The following OPCML variants were observed in gnomAD, a reference collection of about 807,000 sequenced individuals.
OPCML encodes the protein opioid-binding protein/cell adhesion molecule.
A neutral mutation model predicts 37.8 loss-of-function variants in OPCML; 13 were observed. The observed-to-expected ratio is 0.34, with a 90% CI of 0.22 to 0.55. The LOEUF is 0.55. Among genes scored for constraint, OPCML ranks in the 20% least tolerant of loss-of-function variants. The probability of loss-of-function intolerance (pLI) is 0.91; values close to 1 mark genes in which losing one functional copy is unlikely to be tolerated. For missense variants in OPCML, 341 were observed against 435.6 expected (o/e 0.78, Z 1.93); for synonymous variants, 176 against 168.8 (o/e 1.04, Z -0.33).
chr11:132,587,315 T>A (rs1242750844), intron 3 of OPCML, among the ~76,000 whole-genome samples: 1 of 152,226 alleles, frequency 6.6e-6, no homozygotes, highest in Non-Finnish European at 1.5e-5. Flanking sequence ...ACAAACTATC[T>A]GCTTACCAGA....
At chr11:133,063,861 C>T (rs1177275153) in intron 1 of OPCML, among the ~76,000 whole-genome samples, 1 of 152,108 alleles carries the variant, frequency 6.6e-6, no homozygotes, top group African/African-American at 2.4e-5. Flanking sequence ...TGAGCCCAGC[C>T]CCGGTTGGTG....
At chr11:132,545,107 G>A (rs1342499383) in intron 3 of OPCML, among the ~76,000 whole-genome samples, 1 of 152,042 alleles carries the variant, frequency 6.6e-6, no homozygotes, top group South Asian at 2.1e-4. Flanking sequence ...ATATGATTGG[G>A]GGAGGGTAAC....
rs114924747 is a variant in OPCML, at chr11:132,996,210, G to A, written c.62-53200C>T. On this transcript the variant is annotated intron_variant, in intron 1 of 7. Coordinates refer to ENST00000524381, the MANE Select transcript of OPCML (RefSeq NM_001012393.5). ...ATGTTGTGCCCCCTGAAAAAGAAAA[G>A]GCACAGAGAAAATACCTTGTCTGAG... 9.3e-3 allele frequency among the ~76,000 whole-genome samples: 1,423 copies of A among 152,194 alleles called. 26 individuals are homozygous for A. The highest frequency in any genetic ancestry group is 0.033 in the African/African-American group (1,367 of 41,530).
chr11:133,319,401 T>G (rs1943278188), intron 1 of OPCML, among the ~76,000 whole-genome samples: 1 of 152,156 alleles, frequency 6.6e-6, no homozygotes, highest in Non-Finnish European at 1.5e-5. Flanking sequence ...TATGAGACAG[T>G]AAGAGTCTTC....
intron 1 of OPCML, among the ~76,000 whole-genome samples, chr11:133,195,524 C>A (rs759626075): frequency 1.3e-5 from 2 of 152,168 alleles, no homozygotes; most frequent in Non-Finnish European, 2.9e-5. Context: ...TTATGACACC[C>A]AATCAAGTGC....
At chr11:133,101,009 C>T (rs184260644) in intron 1 of OPCML, among the ~76,000 whole-genome samples, 3 of 152,292 alleles carry the variant, frequency 2.0e-5, no homozygotes, top group African/African-American at 7.2e-5. Context: ...ACTGCAACCT[C>T]CGCCTCCTGG....
intron 4 of OPCML, 133 bp from the exon 5 acceptor site, chr11:132,437,492 A>T: frequency 4.1e-6 from 6 of 1,478,010 alleles, no homozygotes; most frequent in Non-Finnish European, 5.3e-6. Flanking sequence ...CAAGTCAAAG[A>T]CATAGGGCAT....
intron 1 of OPCML, among the ~76,000 whole-genome samples, chr11:133,499,872 A>T (rs1224940754): frequency 1.1e-3 from 127 of 115,712 alleles, no homozygotes; most frequent in Non-Finnish European, 1.7e-3. Flanking sequence ...ATATATATAT[A>T]TATTTTTTTT....
chr11:133,214,373 T>A (rs1170726102), intron 1 of OPCML, among the ~76,000 whole-genome samples: 1 of 152,220 alleles, frequency 6.6e-6, no homozygotes, highest in Non-Finnish European at 1.5e-5. Context: ...TATTTTAATG[T>A]AGGTATAATT....
At chr11:132,423,843 G>T (rs11223066) in intron 7 of OPCML, among the ~76,000 whole-genome samples, 2 of 151,818 alleles carry the variant, frequency 1.3e-5, no homozygotes, top group Non-Finnish European at 2.9e-5. Flanking sequence ...TGTGTGACAG[G>T]GGAGGACATG....
At chr11:133,399,270 G>A (rs190937779) in intron 1 of OPCML, among the ~76,000 whole-genome samples, 2 of 152,190 alleles carry the variant, frequency 1.3e-5, no homozygotes, top group East Asian at 1.9e-4. Flanking sequence ...TATTGATGAC[G>A]CGTGGTGGCT....
At chr11:133,181,808 A>G (rs1937846314) in intron 1 of OPCML, among the ~76,000 whole-genome samples, 1 of 152,192 alleles carries the variant, frequency 6.6e-6, no homozygotes, top group Non-Finnish European at 1.5e-5. Context: ...TCAAAGCCCC[A>G]TCTTCAAAAG....
At chr11:133,064,563 C>T (rs1948408120) in intron 1 of OPCML, 1 of 152,294 alleles carries the variant, frequency 6.6e-6, no homozygotes, top group African/African-American at 2.4e-5. Flanking sequence ...GCCCTTTCCC[C>T]ACGGTAGACT....
chr11:133,423,530 C>T (rs919950466), intron 1 of OPCML: 54 of 967,332 alleles, frequency 5.6e-5, no homozygotes, highest in East Asian at 2.3e-4. Flanking sequence ...GAAGTCCTAA[C>T]GAGAAGTCCT....
At chr11:133,242,716 T>C (rs1004093205) in intron 1 of OPCML, among the ~76,000 whole-genome samples, 2 of 152,128 alleles carry the variant, frequency 1.3e-5, no homozygotes, top group African/African-American at 4.8e-5. Context: ...CTTAAACCTA[T>C]GAATGTGAGA....
chr11:132,984,913 G>A (rs771675911), intron 1 of OPCML, among the ~76,000 whole-genome samples: 3 of 152,130 alleles, frequency 2.0e-5, no homozygotes, highest in South Asian at 2.1e-4. Flanking sequence ...TAACAAATTC[G>A]CTCACAGGCT....
chr11:133,379,737 T>C (rs1303094068), intron 1 of OPCML, among the ~76,000 whole-genome samples: 2 of 152,220 alleles, frequency 1.3e-5, no homozygotes, highest in African/African-American at 4.8e-5. Flanking sequence ...TGTTCTATGG[T>C]CAAATGATTT....
intron 1 of OPCML, among the ~76,000 whole-genome samples, chr11:133,242,512 C>T (rs1940768855): frequency 6.6e-6 from 1 of 152,182 alleles, no homozygotes; most frequent in Non-Finnish European, 1.5e-5. Flanking sequence ...TTGGCTTGCA[C>T]ATGGAGAATG....
intron 1 of OPCML, among the ~76,000 whole-genome samples, chr11:133,289,362 G>A (rs1290519415): frequency 2.0e-5 from 3 of 151,978 alleles, no homozygotes; most frequent in Admixed American, 1.3e-4. Flanking sequence ...TTGGGAGGCC[G>A]AGGCGGGCGG....
Sources: gnomAD v4.1 joint callset for allele counts (sites outside exome capture counted in the v4.1 genomes callset) on GRCh38, gnomAD v4.1.1 for gene constraint, MANE v1.5 for transcripts, NCBI Gene and HGNC (gene_info 2026-07-23, HGNC 2026-07-21) for gene names.